The following ACOXL variants were observed in gnomAD, a reference collection of about 807,000 sequenced individuals.
The protein encoded by ACOXL is acyl-coenzyme A oxidase-like protein.
Under a neutral mutation model 71.9 loss-of-function variants are expected in ACOXL, and 70 were observed. That is an observed-to-expected ratio of 0.97 (90% CI 0.80 to 1.19). The LOEUF is 1.19. ACOXL is among the 50% of genes most tolerant of loss of function. The pLI, the probability that ACOXL is intolerant of heterozygous loss-of-function variation, is 0.00. For missense variants in ACOXL, 703 were observed against 736.3 expected (o/e 0.95, Z 0.52); for synonymous variants, 253 against 281.6 (o/e 0.90, Z 1.02).
intron 10 of ACOXL, among the ~76,000 whole-genome samples, chr2:110,846,880 G>T (rs1379731030): frequency 6.6e-6 from 1 of 152,132 alleles, no homozygotes; most frequent in East Asian, 1.9e-4. Flanking sequence ...ATCATATTTC[G>T]ATGGTGTAAA....
At chr2:110,792,770 G>C (rs193263976) in intron 3 of ACOXL, among the ~76,000 whole-genome samples, 5 of 152,310 alleles carry the variant, frequency 3.3e-5, no homozygotes, top group African/African-American at 1.2e-4. Context: ...CTGTCCTCCA[G>C]CCTGGGTGAA....
intron 12 of ACOXL, among the ~76,000 whole-genome samples, chr2:110,984,851 G>A (rs1306797656): frequency 1.3e-5 from 2 of 152,172 alleles, no homozygotes; most frequent in Admixed American, 6.5e-5. Context: ...TGGGCTCTGG[G>A]CAGTACATTG....
At chr2:111,043,599 C>A (rs2065884013) in intron 15 of ACOXL, among the ~76,000 whole-genome samples, 1 of 152,108 alleles carries the variant, frequency 6.6e-6, no homozygotes, top group Non-Finnish European at 1.5e-5. Context: ...GGGCCCCTGG[C>A]CAGGAGCCTC....
chr2:110,813,045 C>T (rs908114774), intron 9 of ACOXL, among the ~76,000 whole-genome samples: 5 of 152,180 alleles, frequency 3.3e-5, no homozygotes, highest in Non-Finnish European at 7.4e-5. Flanking sequence ...CCAAATGAGG[C>T]CTCTAGGTCT....
At chr2:110,815,042 A>C (rs1366075274) in intron 9 of ACOXL, among the ~76,000 whole-genome samples, 1 of 152,204 alleles carries the variant, frequency 6.6e-6, no homozygotes, top group East Asian at 1.9e-4. Context: ...ATTAACTCAC[A>C]GTTCTGCAGG....
intron 11 of ACOXL, among the ~76,000 whole-genome samples, chr2:110,915,614 G>A (rs1324236848): frequency 2.0e-5 from 3 of 151,326 alleles, no homozygotes; most frequent in Admixed American, 2.0e-4. Flanking sequence ...TTGTAGTAGA[G>A]ATGGGTTTTC....
chr2:110,894,691 T>C, intron 10 of ACOXL, among the ~76,000 whole-genome samples: 1 of 152,128 alleles, frequency 6.6e-6, no homozygotes, highest in Non-Finnish European at 1.5e-5. Flanking sequence ...AGACAACTCC[T>C]GCCACCTCCT....
chr2:110,917,656 C>G (rs928089407), intron 11 of ACOXL, among the ~76,000 whole-genome samples: 4 of 152,198 alleles, frequency 2.6e-5, no homozygotes, highest in Admixed American at 2.6e-4. Flanking sequence ...TAGAAAACCC[C>G]ATAGTCTCAG....
At position 110,798,706 on chromosome 2, in the gene ACOXL, A is replaced by G. The variant is rs748517725; in HGVS notation, c.442A>G (p.Ile148Val). ...NYAAVFAQLI[I>V]DGRSQGPHCF... is the part of the protein sequence containing the mutation. ...TGCAGCTGTCTTTGCCCAGCTCATC[A>G]TAGATGGAAGATCTCAAGGTTTGTT... The change falls in exon 6 of 18, where the codon ATA (isoleucine) becomes GTA (valine). Residue 148 changes from isoleucine (I) to valine (V), a missense_variant. Transcript: ENST00000439055. 4 of 1,614,148 alleles carry G rather than the reference A, an allele frequency of 2.5e-6. No homozygotes were observed. The highest frequency in any genetic ancestry group is 3.3e-5 in the Admixed American group (2 of 60,020).
chr2:111,032,210 G>GAA (rs2065303948), intron 15 of ACOXL, among the ~76,000 whole-genome samples: 1 of 152,112 alleles, frequency 6.6e-6, no homozygotes, highest in Non-Finnish European at 1.5e-5. Context: ...CTCAACCAGG[G>GAA]GCAATTTTGC....
At chr2:110,913,746 G>T (rs1340579816) in intron 11 of ACOXL, among the ~76,000 whole-genome samples, 1 of 152,090 alleles carries the variant, frequency 6.6e-6, no homozygotes, top group East Asian at 1.9e-4. Flanking sequence ...TTCTGGGTAG[G>T]TCTCCGGGAG....
At chr2:111,113,007 G>A (rs974042428) in intron 17 of ACOXL, 1 of 152,192 alleles carries the variant, frequency 6.6e-6, no homozygotes, top group Non-Finnish European at 1.5e-5. Flanking sequence ...AGCCAGTGTG[G>A]CTGGGCAGAT....
At chr2:110,849,600 G>A (rs530103433) in intron 10 of ACOXL, among the ~76,000 whole-genome samples, 1 of 152,190 alleles carries the variant, frequency 6.6e-6, no homozygotes, top group Admixed American at 6.5e-5. Flanking sequence ...TCTACTAAAA[G>A]TACAAAAATT....
chr2:111,069,150 T>C (rs535902885), intron 16 of ACOXL, among the ~76,000 whole-genome samples: 8 of 151,192 alleles, frequency 5.3e-5, no homozygotes, highest in Admixed American at 1.3e-4. Flanking sequence ...TTTTTCTTTT[T>C]TTTTTTTTTT....
intron 17 of ACOXL, chr2:111,093,797 G>C (rs2068664033): frequency 2.8e-6 from 1 of 357,828 alleles, no homozygotes; most frequent in African/African-American, 2.1e-5. Context: ...CCTGGAGTTG[G>C]AGGTTGCAGT....
chr2:110,917,216 A>G (rs528979894), intron 11 of ACOXL, among the ~76,000 whole-genome samples: 38 of 152,326 alleles, frequency 2.5e-4, no homozygotes, highest in African/African-American at 9.1e-4. Context: ...ATCACGATCA[A>G]TTTGGCTTCA....
intron 16 of ACOXL, among the ~76,000 whole-genome samples, chr2:111,081,894 A>T (rs2067943175): frequency 3.3e-5 from 5 of 152,210 alleles, no homozygotes; most frequent in Admixed American, 3.3e-4. Flanking sequence ...CTGATCTTTG[A>T]CAAACCTTAC....
chr2:111,099,634 C>G (rs2069009899), intron 17 of ACOXL: 2 of 152,214 alleles, frequency 1.3e-5, no homozygotes, highest in African/African-American at 4.8e-5. Context: ...ACACAAGATT[C>G]CTGTGTCCTG....
intron 16 of ACOXL, among the ~76,000 whole-genome samples, chr2:111,079,593 A>G (rs932522949): frequency 3.9e-5 from 6 of 152,186 alleles, no homozygotes; most frequent in African/African-American, 1.4e-4. Context: ...TTCCAGGGAC[A>G]TGAGCAGCAT....
Sources: gnomAD v4.1 joint callset for allele counts (sites outside exome capture counted in the v4.1 genomes callset) on GRCh38, gnomAD v4.1.1 for gene constraint, MANE v1.5 for transcripts, NCBI Gene and HGNC (gene_info 2026-07-23, HGNC 2026-07-21) for gene names.